GLRA3: variants seen among roughly 807,000 people sequenced by gnomAD.
GLRA3 encodes the protein glycine receptor subunit alpha-3.
GLRA3 carries 44 observed loss-of-function variants against 60.4 expected under a neutral mutation model. That is an observed-to-expected ratio of 0.73 (90% CI 0.57 to 0.94). The LOEUF is 0.94. Ranked by LOEUF, GLRA3 falls within the 40% of genes least tolerant of loss-of-function variation. The pLI, the probability that GLRA3 is intolerant of heterozygous loss-of-function variation, is 0.00. For missense variants in GLRA3, 508 were observed against 564.6 expected (o/e 0.90, Z 1.02); for synonymous variants, 223 against 192.9 (o/e 1.16, Z -1.29).
intron 7 of GLRA3, among the ~76,000 whole-genome samples, chr4:174,669,942 A>T (rs1733839771): frequency 6.6e-6 from 1 of 152,214 alleles, no homozygotes; most frequent in African/African-American, 2.4e-5. Context: ...GTTTCCAAAG[A>T]GGTGAATTTA....
intron 7 of GLRA3, among the ~76,000 whole-genome samples, chr4:174,659,743 G>T (rs746995098): frequency 6.6e-6 from 1 of 151,996 alleles, no homozygotes; most frequent in East Asian, 1.9e-4. Flanking sequence ...ATGCCAAGGC[G>T]GGTGGATCAC....
intron 6 of GLRA3, among the ~76,000 whole-genome samples, chr4:174,681,987 T>C (rs943895151): frequency 6.6e-6 from 1 of 152,142 alleles, no homozygotes; most frequent in South Asian, 2.1e-4. Context: ...CTAGGGACTT[T>C]GAATAGTGAA....
At chr4:174,646,080 C>T (rs1048401834) in intron 9 of GLRA3, among the ~76,000 whole-genome samples, 11 of 152,118 alleles carry the variant, frequency 7.2e-5, no homozygotes, top group African/African-American at 2.7e-4. Flanking sequence ...CAAAGTAAGA[C>T]AAAATATGAC....
chr4:174,683,169 AG>A, intron 5 of GLRA3, among the ~76,000 whole-genome samples: 1 of 152,318 alleles, frequency 6.6e-6, no homozygotes, highest in African/African-American at 2.4e-5. Context: ...ACTCATTAAA[AG>A]TATACCATGG....
At chr4:174,780,760 C>A (rs1738835490) in intron 2 of GLRA3, among the ~76,000 whole-genome samples, 1 of 151,772 alleles carries the variant, frequency 6.6e-6, no homozygotes, top group Non-Finnish European at 1.5e-5. Flanking sequence ...ACAAGAAGAG[C>A]TAACTATCCT....
intron 2 of GLRA3, among the ~76,000 whole-genome samples, chr4:174,774,589 G>A (rs6553820): frequency 0.73 from 111,300 of 151,794 alleles, 41,096 homozygotes; most frequent in East Asian, 0.99. Flanking sequence ...TTTGAATCAT[G>A]AGGAAGAATC....
At chr4:174,713,760 T>C (rs1209582867) in intron 5 of GLRA3, 2 of 152,246 alleles carry the variant, frequency 1.3e-5, no homozygotes, top group African/African-American at 4.8e-5. Context: ...TTCTTGTTTG[T>C]GTTTTATTTC....
rs191030055 is a variant in GLRA3, at chr4:174,732,047, C to T, written c.268-3349G>A. Among the ~76,000 whole-genome samples, 444 of 152,178 alleles carry T rather than the reference C, an allele frequency of 2.9e-3. 1 individual carries two copies. Among genetic ancestry groups the T allele is most frequent in the African/African-American group, 6.3e-3 (260 of 41,540 alleles). ...CAAAATGATCCTTTATACATCGCCG[C>T]GAAAAGTATAAAAAGATGGAAAAAA... On this transcript the variant is annotated intron_variant, in intron 3 of 9. Coordinates refer to ENST00000274093, the MANE Select transcript of GLRA3 (RefSeq NM_006529.4).
Position 174,746,216 on chromosome 4 carries a change from G to A in GLRA3, c.268-17518C>T, listed in dbSNP as rs143266182. The stretch of plus-strand genomic sequence containing the variant: ...TTGTACGTTTATCACAGCACTATTC[G>A]CAGTAGCAAAGATATGGAATAAACC... On this transcript the variant is annotated intron_variant, in intron 3 of 9. Coordinates refer to ENST00000274093, the MANE Select transcript of GLRA3 (RefSeq NM_006529.4). Among the ~76,000 whole-genome samples, 924 of 152,188 alleles carry A rather than the reference G, an allele frequency of 6.1e-3. 9 individuals are homozygous for A. Among genetic ancestry groups the A allele is most frequent in the African/African-American group, 0.02 (832 of 41,542 alleles).
intron 2 of GLRA3, among the ~76,000 whole-genome samples, chr4:174,768,670 C>T (rs1185076469): frequency 6.6e-6 from 1 of 152,076 alleles, no homozygotes; most frequent in Non-Finnish European, 1.5e-5. Context: ...CATAGTAACT[C>T]TGAAAGAGGG....
At chr4:174,806,845 A>G (rs1053730431) in intron 1 of GLRA3, among the ~76,000 whole-genome samples, 38 of 152,020 alleles carry the variant, frequency 2.5e-4, no homozygotes, top group Non-Finnish European at 4.4e-5. Context: ...CAAAACACAT[A>G]TTCTTATATT....
At chr4:174,676,169 T>C (rs958599432) in intron 7 of GLRA3, among the ~76,000 whole-genome samples, 1 of 152,160 alleles carries the variant, frequency 6.6e-6, no homozygotes, top group Non-Finnish European at 1.5e-5. Context: ...TATTTCACTA[T>C]ATCTTATGCA....
In GLRA3 at chr4:174,637,078, G is replaced by T. The variant is rs559689757; in HGVS notation, c.*6708C>A. 1.4e-4 allele frequency: 21 copies of T among 152,196 alleles called. No individual in the cohort carries two copies. Among genetic ancestry groups the T allele is most frequent in the Admixed American group, 1.0e-3 (16 of 15,294 alleles). The allele number at this position is 152,196 out of a possible 1,614,324, so 9.4% of individuals were successfully genotyped here. A position where few individuals can be genotyped will look rare whatever the true frequency, so the allele number is the denominator to read the frequency against. ...TAATGAAAAACAAGTTGATGAAATCGTGCATAAATTTTTAAATATGTTTTC... is the reference window on the plus strand; with the variant it reads ...TAATGAAAAACAAGTTGATGAAATCTTGCATAAATTTTTAAATATGTTTTC... On this transcript the variant is annotated 3_prime_UTR_variant, in exon 10 of 10. Transcript: ENST00000274093.
chr4:174,763,259 C>G (rs570588526), intron 3 of GLRA3, among the ~76,000 whole-genome samples: 5 of 152,204 alleles, frequency 3.3e-5, no homozygotes, highest in African/African-American at 9.6e-5. Context: ...CCCATTTTAC[C>G]TAGTAACTGC....
At chr4:174,701,219 T>G (rs1398920977) in intron 5 of GLRA3, among the ~76,000 whole-genome samples, 2 of 152,122 alleles carry the variant, frequency 1.3e-5, no homozygotes, top group Non-Finnish European at 2.9e-5. Flanking sequence ...CAGTACTCAT[T>G]CACCGCTCAA....
chr4:174,743,690 G>A (rs1159717914), intron 3 of GLRA3, among the ~76,000 whole-genome samples: 1 of 151,844 alleles, frequency 6.6e-6, no homozygotes, highest in Non-Finnish European at 1.5e-5. Context: ...AAGCTTATTT[G>A]GTACTATTTG....
chr4:174,645,521 A>G (rs1190260316), intron 9 of GLRA3, among the ~76,000 whole-genome samples: 2 of 152,070 alleles, frequency 1.3e-5, no homozygotes, highest in Non-Finnish European at 2.9e-5. Flanking sequence ...AGAAATTATT[A>G]TGGATTCTAA....
Position 174,729,730 on chromosome 4 carries a change from T to C in GLRA3, c.268-1032A>G, listed in dbSNP as rs148497865. The stretch of plus-strand genomic sequence containing the variant: ...GCCAATAAATTAAATATAGACCTCA[T>C]TGTAAGCATGATTAAAGCAAACATT... On this transcript the variant is annotated intron_variant, in intron 3 of 9. Transcript: ENST00000274093. Among the ~76,000 whole-genome samples the C allele has an allele frequency of 4.3e-3, 660 of 152,330 alleles. 5 individuals are homozygous for C. Among genetic ancestry groups the C allele is most frequent in the African/African-American group, 0.015 (629 of 41,574 alleles).
intron 5 of GLRA3, among the ~76,000 whole-genome samples, chr4:174,692,853 TG>T (rs1264080361): frequency 6.6e-6 from 1 of 151,926 alleles, no homozygotes; most frequent in East Asian, 1.9e-4. Flanking sequence ...TTTGTTCACT[TG>T]TTTATCTGCT....
Sources: gnomAD v4.1 joint callset for allele counts (sites outside exome capture counted in the v4.1 genomes callset) on GRCh38, gnomAD v4.1.1 for gene constraint, MANE v1.5 for transcripts, NCBI Gene and HGNC (gene_info 2026-07-23, HGNC 2026-07-21) for gene names.